Variants in PDS5A observed in about 807,000 individuals in gnomAD.
PDS5A encodes sister chromatid cohesion protein PDS5 homolog A.
In PDS5A, 42 loss-of-function variants were observed where a neutral mutation model predicts 167.1. The ratio of observed to expected loss-of-function variants is 0.25; its 90% CI spans 0.20 to 0.33. The LOEUF (loss-of-function observed/expected upper bound fraction) is 0.33. Among genes scored for constraint, PDS5A ranks in the 10% least tolerant of loss-of-function variants. The probability of loss-of-function intolerance (pLI) is 1.00; values close to 1 mark genes in which losing one functional copy is unlikely to be tolerated. For synonymous variants in PDS5A, 553 were observed against 554.6 expected, an observed-to-expected ratio of 1.00 and a Z score of 0.04; for missense variants, 1,033 against 1,605.9, an observed-to-expected ratio of 0.64 and a Z score of 6.10.
rs1330352140 is a variant in PDS5A, at chr4:39,879,909, AT to A, written c.1887-77del. The A allele has an allele frequency of 5.1e-6, 4 of 788,796 alleles. No homozygotes were observed. In the African/African-American group the frequency reaches 5.1e-5, roughly 10 times the overall value. The allele number at this position is 788,796 out of a possible 1,614,324, so 48.9% of individuals were successfully genotyped here. On this transcript the variant is annotated intron_variant, in intron 17 of 32. Transcript: ENST00000303538. Reference sequence around the variant, plus strand: ...TCCTAATCACACTGTGACAGAACATATATAGAACCTTAAAATATTAAATTCA... The same window carrying A: ...TCCTAATCACACTGTGACAGAACATAATAGAACCTTAAAATATTAAATTCA...
intron 2 of PDS5A, among the ~76,000 whole-genome samples, chr4:39,951,984 AGTTT>A (rs1728447752): frequency 6.6e-6 from 1 of 151,884 alleles, no homozygotes; most frequent in African/African-American, 2.4e-5. Context: ...ATCAATTACT[AGTTT>A]TAACAAAAAA....
chr4:39,926,730 CAT>C (rs1315697707), intron 4 of PDS5A, 43 bp downstream of exon 4: 12 of 1,192,906 alleles, frequency 1.0e-5, no homozygotes, highest in African/African-American at 3.3e-5. Context: ...AATTTGCTAT[CAT>C]GTGAAATAAT....
intron 2 of PDS5A, among the ~76,000 whole-genome samples, chr4:39,956,731 G>A (rs995064210): frequency 5.3e-5 from 8 of 151,366 alleles, no homozygotes; most frequent in Admixed American, 4.6e-4. Flanking sequence ...GGAGTGCTGC[G>A]GCACAATTAT....
At position 39,867,774 on chromosome 4, in the gene PDS5A, A is replaced by ACCCCCC. The variant is rs1553892710; in HGVS notation, c.2506-778_2506-777insGGGGGG. Among the ~76,000 whole-genome samples, 28 of 108,590 alleles carry ACCCCCC rather than the reference A, an allele frequency of 2.6e-4. 1 individual carries two copies. In the East Asian group the frequency reaches 5.1e-3, roughly 20 times the overall value. 71.2% of individuals were successfully genotyped at this position (108,590 alleles called of 152,430 possible). On this transcript the variant is annotated intron_variant, in intron 22 of 32. Transcript: ENST00000303538. ...CACACACACACACACACACACACAC[A>ACCCCCC]CCCCACAACTGTACTGATTGTGGTG...
chr4:39,977,672 G>C lies in PDS5A; in HGVS notation c.-256C>G, dbSNP rs1252392683. ...CGCGGGGCGAGTGAGCGCTGGGCGG[G>C]GAGACAGTGCCGCTCTCCGTCTGGC... is the stretch of plus-strand genomic sequence containing the variant. On this transcript the variant is annotated 5_prime_UTR_variant, in exon 1 of 33. Transcript: ENST00000303538. The surrounding 1 kb of genome is among the most constrained non-coding windows in gnomAD (Gnocchi z 4.2). 1 of 151,378 alleles carries C rather than the reference G, an allele frequency of 6.6e-6. No individual in the cohort carries two copies. The highest frequency in any genetic ancestry group is 1.9e-4 in the East Asian group (1 of 5,174). 9.4% of individuals were successfully genotyped at this position (151,378 alleles called of 1,614,324 possible).
chr4:39,974,776 G>C (rs1372011127), intron 2 of PDS5A, among the ~76,000 whole-genome samples: 1 of 152,002 alleles, frequency 6.6e-6, no homozygotes, highest in African/African-American at 2.4e-5. Flanking sequence ...CGAAGTGCTG[G>C]GATTACAGGC....
chr4:39,925,009 G>A (rs770039384), intron 5 of PDS5A, among the ~76,000 whole-genome samples: 2 of 152,166 alleles, frequency 1.3e-5, no homozygotes, highest in African/African-American at 2.4e-5. Context: ...CTACTCAGGA[G>A]GCTGAGACAG....
At chr4:39,910,815 C>A (rs1347949597) in intron 9 of PDS5A, among the ~76,000 whole-genome samples, 1 of 152,078 alleles carries the variant, frequency 6.6e-6, no homozygotes, top group Non-Finnish European at 1.5e-5. Context: ...GAACACATGG[C>A]AAAACCCTGT....
intron 32 of PDS5A, among the ~76,000 whole-genome samples, chr4:39,833,721 T>C (rs556164084): frequency 5.3e-4 from 81 of 152,258 alleles, no homozygotes; most frequent in Admixed American, 1.8e-3. Context: ...GTTGAGATGA[T>C]GTTGAACATC....
At chr4:39,855,776 T>A (rs1402273814) in intron 26 of PDS5A, among the ~76,000 whole-genome samples, 1 of 151,800 alleles carries the variant, frequency 6.6e-6, no homozygotes, top group South Asian at 2.1e-4. Context: ...GACAAGGCAA[T>A]TGAAAATACT....
At chr4:39,930,255 G>GTTTTGTT (rs1725930466) in intron 2 of PDS5A, among the ~76,000 whole-genome samples, 1 of 80,512 alleles carries the variant, frequency 1.2e-5, no homozygotes, top group Non-Finnish European at 2.5e-5. Context: ...AAGTTTTTTT[G>GTTTTGTT]TTTTTTGTTT....
At chr4:39,906,060 T>C (rs1028475334) in intron 11 of PDS5A, among the ~76,000 whole-genome samples, 26 of 149,308 alleles carry the variant, frequency 1.7e-4, no homozygotes, top group African/African-American at 6.4e-4. Context: ...AATTTCAACA[T>C]CAAATTAAAG....
At chr4:39,836,615 A>ATTTTTTTTTTT (rs71645192) in intron 32 of PDS5A, among the ~76,000 whole-genome samples, 182 of 106,076 alleles carry the variant, frequency 1.7e-3, no homozygotes, top group Middle Eastern at 4.9e-3. Context: ...ATTTTTTTCT[A>ATTTTTTTTTTT]TTTTTTTTTT....
At chr4:39,919,837 T>A (rs1366484207) in intron 7 of PDS5A, among the ~76,000 whole-genome samples, 1 of 151,798 alleles carries the variant, frequency 6.6e-6, no homozygotes, top group East Asian at 1.9e-4. Context: ...GTAGCAACTA[T>A]CACAATCTTT....
chr4:39,948,183 T>C (rs1404611388), intron 2 of PDS5A, among the ~76,000 whole-genome samples: 1 of 114,524 alleles, frequency 8.7e-6, no homozygotes, highest in African/African-American at 3.6e-5. Flanking sequence ...GCTCAGGAGG[T>C]AGGCAACACA....
rs575343264 is a variant in PDS5A at position 39,942,758 on chromosome 4, G to A, written c.139-14594C>T. Among the ~76,000 whole-genome samples the A allele has an allele frequency of 3.3e-5, 5 of 152,168 alleles. No homozygotes were observed. In the South Asian group the frequency reaches 8.3e-4, roughly 25 times the overall value. ...TTCTGAAGGGATCATTGACTCCTTCGTACTGGAAACACTGTACCAATTATG... is the reference window on the plus strand; with the variant it reads ...TTCTGAAGGGATCATTGACTCCTTCATACTGGAAACACTGTACCAATTATG... On this transcript the variant is annotated intron_variant, in intron 2 of 32. Transcript: ENST00000303538.
intron 2 of PDS5A, among the ~76,000 whole-genome samples, chr4:39,963,053 T>G (rs1729643717): frequency 6.6e-6 from 1 of 150,684 alleles, no homozygotes; most frequent in African/African-American, 2.4e-5. Flanking sequence ...ACCTGGTGGC[T>G]CACGCCTGTA....
intron 2 of PDS5A, among the ~76,000 whole-genome samples, chr4:39,934,790 G>A (rs1726429664): frequency 6.6e-6 from 1 of 151,120 alleles, no homozygotes; most frequent in African/African-American, 2.4e-5. Flanking sequence ...ATTTTTTTGA[G>A]ACAAATTAAC....
At chr4:39,970,815 T>TA (rs58869942) in intron 2 of PDS5A, among the ~76,000 whole-genome samples, 5 of 147,718 alleles carry the variant, frequency 3.4e-5, no homozygotes, top group Admixed American at 1.4e-4. Flanking sequence ...TTTTTTTTTT[T>TA]AAGACAAGGT....
Sources: allele counts gnomAD v4.1 joint callset (sites outside exome capture counted in the v4.1 genomes callset), GRCh38; gene constraint gnomAD v4.1.1; non-coding constraint Gnocchi (gnomAD v3.1); transcripts MANE v1.5; gene names NCBI Gene and HGNC (gene_info 2026-07-23, HGNC 2026-07-21).